Variants in MYO5A observed in about 807,000 individuals in gnomAD.
MYO5A encodes the protein unconventional myosin-Va.
A neutral mutation model predicts 249.7 loss-of-function variants in MYO5A; 98 were observed. The ratio of observed to expected loss-of-function variants is 0.39; its 90% CI spans 0.33 to 0.46. The LOEUF (loss-of-function observed/expected upper bound fraction) is 0.46. Among genes scored for constraint, MYO5A ranks in the 20% least tolerant of loss-of-function variants. MYO5A has a pLI of 0.98. For missense variants in MYO5A, 1,696 were observed against 2,308.8 expected, an observed-to-expected ratio of 0.73 and a Z score of 5.44; for synonymous variants, 778 against 810.6, an observed-to-expected ratio of 0.96 and a Z score of 0.68.
chr15:52,330,555 G>T, intron 34 of MYO5A, 56 bp from the exon 35 acceptor site: 2 of 1,597,456 alleles, frequency 1.3e-6, no homozygotes, highest in Non-Finnish European at 1.7e-6. Flanking sequence ...AAACATGAGA[G>T]GTCTCCAAGT....
Position 52,518,974 on chromosome 15 carries a change from TG to T in MYO5A, c.27+9805del, listed in dbSNP as rs2077555483. Among the ~76,000 whole-genome samples the T allele has an allele frequency of 2.0e-5, 3 of 152,314 alleles. No individual in the cohort carries two copies. The South Asian group carries it at 6.2e-4, about 32-fold the overall frequency. Reference sequence around the variant, plus strand: ...ATTTTATTCCATTATAGGTGTGGGATGTATATATACTTCGTTATAACAAATC... The same window carrying T: ...ATTTTATTCCATTATAGGTGTGGGATTATATATACTTCGTTATAACAAATC... On this transcript the variant is annotated intron_variant, in intron 1 of 41. Transcript: ENST00000399233.
intron 1 of MYO5A, among the ~76,000 whole-genome samples, chr15:52,444,606 A>G (rs573910111): frequency 6.6e-6 from 1 of 152,352 alleles, no homozygotes; most frequent in South Asian, 2.1e-4. Flanking sequence ...GAAGAATAAG[A>G]AAAACACAAT....
chr15:52,452,218 G>C (rs952178552), intron 1 of MYO5A, among the ~76,000 whole-genome samples: 1 of 151,702 alleles, frequency 6.6e-6, no homozygotes, highest in Non-Finnish European at 1.5e-5. Flanking sequence ...ACAGTTCCCA[G>C]GGCCACAGAG....
rs1176828060 is a variant in MYO5A, at chr15:52,360,117, C to T, written c.3310-36G>A. The T allele has an allele frequency of 3.6e-6, 5 of 1,372,398 alleles. No individual in the cohort carries two copies. In the African/African-American group the frequency reaches 7.1e-5, roughly 20 times the overall value. The allele number at this position is 1,372,398 out of a possible 1,614,324, so 85.0% of individuals were successfully genotyped here. Reference sequence around the variant, plus strand: ...AATAACCCAGGTATAATTAATGCAACATAATTAGTCTAGGCATAGTTAAGA... The same window carrying T: ...AATAACCCAGGTATAATTAATGCAATATAATTAGTCTAGGCATAGTTAAGA... On this transcript the variant is annotated intron_variant, in intron 24 of 41. Coordinates refer to ENST00000399233, the MANE Select transcript of MYO5A (RefSeq NM_001382347.1).
intron 1 of MYO5A, among the ~76,000 whole-genome samples, chr15:52,460,656 T>TGCGAGGGCGAGGGCGAGGGCGAGG (rs150007594): frequency 6.6e-6 from 1 of 151,578 alleles, no homozygotes; most frequent in South Asian, 2.1e-4. Context: ...ACGAGGACCG[T>TGCGAGGGCGAGGGCGAGGGCGAGG]GCGAGGGCGA....
At chr15:52,518,680 G>T (rs2077548134) in intron 1 of MYO5A, among the ~76,000 whole-genome samples, 1 of 152,140 alleles carries the variant, frequency 6.6e-6, no homozygotes, top group South Asian at 2.1e-4. Context: ...GGAATATCTA[G>T]TCATCTTACT....
intron 11 of MYO5A, among the ~76,000 whole-genome samples, chr15:52,394,764 A>C (rs951411697): frequency 6.6e-6 from 1 of 152,248 alleles, no homozygotes; most frequent in Non-Finnish European, 1.5e-5. Context: ...CTCTGTGTGG[A>C]AACACAATGG....
At chr15:52,348,334 T>G (rs1478802758) in intron 29 of MYO5A, among the ~76,000 whole-genome samples, 1 of 152,220 alleles carries the variant, frequency 6.6e-6, no homozygotes, top group East Asian at 1.9e-4. Flanking sequence ...AATTTGACTT[T>G]GCAACCTCGT....
At chr15:52,339,489 C>T (rs2039280745) in intron 32 of MYO5A, among the ~76,000 whole-genome samples, 1 of 146,882 alleles carries the variant, frequency 6.8e-6, no homozygotes, top group Non-Finnish European at 1.5e-5. Flanking sequence ...TATTATGTGA[C>T]TGAGAAATAT....
At chr15:52,472,102 G>A (rs2076485532) in intron 1 of MYO5A, among the ~76,000 whole-genome samples, 1 of 148,870 alleles carries the variant, frequency 6.7e-6, no homozygotes, top group Admixed American at 6.7e-5. Context: ...TTTTGAGATG[G>A]AGTCTCGCTC....
intron 1 of MYO5A, among the ~76,000 whole-genome samples, chr15:52,457,789 G>A (rs1182964249): frequency 6.6e-6 from 1 of 152,150 alleles, no homozygotes; most frequent in African/African-American, 2.4e-5. Flanking sequence ...AAATCAGTAT[G>A]TCAAAAGCAT....
intron 6 of MYO5A, among the ~76,000 whole-genome samples, chr15:52,409,269 A>G (rs1332598499): frequency 2.0e-5 from 3 of 151,936 alleles, no homozygotes; most frequent in East Asian, 3.9e-4. Context: ...AACCTCTACT[A>G]TTTGAACTCT....
At chr15:52,321,231 G>T in intron 38 of MYO5A, 128 bp downstream of exon 38, 2 of 1,222,772 alleles carry the variant, frequency 1.6e-6, no homozygotes, top group Non-Finnish European at 2.4e-6. Flanking sequence ...GCTAATTTTA[G>T]CCCTGTATCT....
At chr15:52,370,714 A>C (rs1171126953) in intron 21 of MYO5A, among the ~76,000 whole-genome samples, 1 of 152,224 alleles carries the variant, frequency 6.6e-6, no homozygotes, top group African/African-American at 2.4e-5. Flanking sequence ...CTGATTCTTA[A>C]TTCAGAAATA....
intron 25 of MYO5A, among the ~76,000 whole-genome samples, chr15:52,355,260 G>C (rs1000550416): frequency 1.2e-4 from 18 of 152,174 alleles, no homozygotes; most frequent in Non-Finnish European, 2.9e-5. Flanking sequence ...CTTGGGTTCT[G>C]TATCTGTGGG....
intron 10 of MYO5A, among the ~76,000 whole-genome samples, 169 bp from the exon 11 acceptor site, chr15:52,396,566 T>G (rs2042494827): frequency 6.6e-6 from 1 of 152,154 alleles, no homozygotes; most frequent in East Asian, 1.9e-4. Context: ...ACAAGGAATA[T>G]GTACCCAGCA....
intron 1 of MYO5A, among the ~76,000 whole-genome samples, chr15:52,466,016 G>A (rs2076345691): frequency 6.6e-6 from 1 of 152,066 alleles, no homozygotes; most frequent in Non-Finnish European, 1.5e-5. Context: ...TTTCCCACTA[G>A]GGAATCGAGC....
intron 25 of MYO5A, 134 bp downstream of exon 25, chr15:52,359,834 C>G (rs2040429273): frequency 1.4e-6 from 1 of 703,038 alleles, no homozygotes; most frequent in Admixed American, 2.1e-5. Context: ...ATCTACAAGT[C>G]ACTTATGAAG....
At chr15:52,395,390 C>T (rs1396266718) in intron 11 of MYO5A, among the ~76,000 whole-genome samples, 1 of 152,146 alleles carries the variant, frequency 6.6e-6, no homozygotes, top group East Asian at 1.9e-4. Flanking sequence ...GCATCAACTA[C>T]AAACCATACC....
Sources: gnomAD v4.1 joint callset for allele counts (sites outside exome capture counted in the v4.1 genomes callset) on GRCh38, gnomAD v4.1.1 for gene constraint, MANE v1.5 for transcripts, NCBI Gene and HGNC (gene_info 2026-07-23, HGNC 2026-07-21) for gene names.